TMEM132B: variants seen among roughly 807,000 people sequenced by gnomAD.
The protein encoded by TMEM132B is transmembrane protein 132B.
A neutral mutation model predicts 90.8 loss-of-function variants in TMEM132B; 18 were observed. That is an observed-to-expected ratio of 0.20 (90% CI 0.14 to 0.29). TMEM132B has a LOEUF of 0.29. TMEM132B is among the 10% of genes least tolerant of loss of function. The pLI, the probability that TMEM132B is intolerant of heterozygous loss-of-function variation, is 1.00. For synonymous variants in TMEM132B, 504 were observed against 523.3 expected (o/e 0.96, Z 0.50); for missense variants, 1,096 against 1,326.8 (o/e 0.83, Z 2.70).
intron 5 of TMEM132B, among the ~76,000 whole-genome samples, chr12:125,598,199 C>T (rs1022047034): frequency 5.9e-5 from 9 of 152,036 alleles, no homozygotes; most frequent in Admixed American, 2.0e-4. Flanking sequence ...AGCAATTACA[C>T]GCCATTATTT....
intron 2 of TMEM132B, among the ~76,000 whole-genome samples, chr12:125,402,332 G>A (rs552116501): frequency 7.2e-5 from 11 of 152,296 alleles, no homozygotes; most frequent in African/African-American, 2.4e-4. Flanking sequence ...TGGGATTACA[G>A]GCAACCACCA....
chr12:125,565,705 C>T (rs1161484573), intron 4 of TMEM132B, among the ~76,000 whole-genome samples: 4 of 152,196 alleles, frequency 2.6e-5, no homozygotes, highest in Non-Finnish European at 4.4e-5. Flanking sequence ...GAACTCCTCT[C>T]GGCACACAGA....
intron 1 of TMEM132B, among the ~76,000 whole-genome samples, chr12:125,233,932 T>C (rs1275152875): frequency 6.6e-6 from 1 of 152,198 alleles, no homozygotes; most frequent in Non-Finnish European, 1.5e-5. Context: ...TGTGGTCTGA[T>C]CATGGAATTT....
intron 4 of TMEM132B, among the ~76,000 whole-genome samples, chr12:125,569,640 T>C (rs951007181): frequency 6.6e-6 from 1 of 152,014 alleles, no homozygotes; most frequent in African/African-American, 2.4e-5. Flanking sequence ...CTAGGGCCAA[T>C]GAAAGCATAA....
chr12:125,533,867 TTTA>T (rs1188849911), intron 4 of TMEM132B, among the ~76,000 whole-genome samples: 1 of 152,268 alleles, frequency 6.6e-6, no homozygotes, highest in African/African-American at 2.4e-5. Context: ...CTTAATAGGC[TTTA>T]TTATTTTTAT....
intron 2 of TMEM132B, among the ~76,000 whole-genome samples, chr12:125,413,560 T>C (rs1166734337): frequency 6.6e-6 from 1 of 152,242 alleles, no homozygotes; most frequent in Non-Finnish European, 1.5e-5. Flanking sequence ...TCTATGGATT[T>C]ACCTTCTGAA....
intron 1 of TMEM132B, among the ~76,000 whole-genome samples, chr12:125,304,607 G>T (rs1209282943): frequency 6.6e-6 from 1 of 152,066 alleles, no homozygotes; most frequent in Non-Finnish European, 1.5e-5. Context: ...AGGTATAAAG[G>T]TCCAGCTTCA....
intron 3 of TMEM132B, among the ~76,000 whole-genome samples, chr12:125,424,548 G>A (rs1306982256): frequency 6.6e-6 from 1 of 152,182 alleles, no homozygotes; most frequent in Non-Finnish European, 1.5e-5. Context: ...ACTTTAGCAA[G>A]ATTTTAGGTT....
rs377014934 is a variant in TMEM132B at position 125,498,531 on chromosome 12, T to C, written c.1107-20908T>C. Among the ~76,000 whole-genome samples the C allele has an allele frequency of 5.9e-5, 9 of 152,212 alleles. No homozygotes were observed. Among genetic ancestry groups the C allele is most frequent in the East Asian group, 3.9e-4 (2 of 5,190 alleles). On this transcript the variant is annotated intron_variant, in intron 3 of 8. Coordinates refer to ENST00000682704, the MANE Select transcript of TMEM132B (RefSeq NM_001366854.1). The surrounding 1 kb of genome is among the most constrained non-coding windows in gnomAD (Gnocchi z 4.5). ...CAGAGAAATGTCTGTGATTACATAA[T>C]AGGACATTGCAGTCCATGTGCCACG...
At position 125,252,882 on chromosome 12, in the gene TMEM132B, A is replaced by C. The variant is rs183481142; in HGVS notation, c.67+66016A>C. Among the ~76,000 whole-genome samples, 3 of 152,332 alleles carry C rather than the reference A, an allele frequency of 2.0e-5. No homozygotes were observed. The East Asian group carries it at 5.8e-4, about 29-fold the overall frequency. Reference sequence around the variant, plus strand: ...AAATTGGTCAACATTTTCTTGAAACAGGGTACCTGACCTCATCCCAGACCT... The same window carrying C: ...AAATTGGTCAACATTTTCTTGAAACCGGGTACCTGACCTCATCCCAGACCT... On this transcript the variant is annotated intron_variant, in intron 1 of 8. Transcript: ENST00000682704.
Position 125,655,267 on chromosome 12 carries a change from C to T in TMEM132B, c.*557C>T, listed in dbSNP as rs112477630. On this transcript the variant is annotated 3_prime_UTR_variant, in exon 9 of 9. Transcript: ENST00000682704. Reference sequence around the variant, plus strand: ...TGAAGAGAAGAAATTTCAGTCTTTTCCTTGAGCTCTGTTTGATTTACACAT... The same window carrying T: ...TGAAGAGAAGAAATTTCAGTCTTTTTCTTGAGCTCTGTTTGATTTACACAT... 429 of 152,516 alleles carry T rather than the reference C, an allele frequency of 2.8e-3. 1 individual carries two copies. The highest frequency in any genetic ancestry group is 6.0e-3 in the South Asian group (29 of 4,826). The allele number at this position is 152,516 out of a possible 1,614,324, so 9.4% of individuals were successfully genotyped here.
At chr12:125,372,860 T>A (rs1878339087) in intron 2 of TMEM132B, among the ~76,000 whole-genome samples, 1 of 152,140 alleles carries the variant, frequency 6.6e-6, no homozygotes, top group Non-Finnish European at 1.5e-5. Context: ...TTTTCTAGGC[T>A]CCTGGAACCC....
intron 3 of TMEM132B, among the ~76,000 whole-genome samples, chr12:125,423,433 T>C (rs1880225350): frequency 6.6e-6 from 1 of 152,192 alleles, no homozygotes; most frequent in Admixed American, 6.5e-5. Flanking sequence ...TTGTTTGTTT[T>C]TATTCATGCT....
intron 1 of TMEM132B, among the ~76,000 whole-genome samples, chr12:125,260,706 T>G (rs1272608411): frequency 6.6e-6 from 1 of 152,172 alleles, no homozygotes; most frequent in Non-Finnish European, 1.5e-5. Context: ...TCCTAAGGTA[T>G]AAGTATTACT....
chr12:125,257,757 A>G (rs981386260), intron 1 of TMEM132B, among the ~76,000 whole-genome samples: 10 of 152,206 alleles, frequency 6.6e-5, no homozygotes, highest in African/African-American at 2.4e-4. Flanking sequence ...TTTGACACAG[A>G]CAGAAGAGAA....
intron 8 of TMEM132B, among the ~76,000 whole-genome samples, chr12:125,653,233 G>A (rs1029688208): frequency 6.6e-6 from 1 of 152,182 alleles, no homozygotes; most frequent in African/African-American, 2.4e-5. Flanking sequence ...AGCCTGATTT[G>A]TTGCACCTGA....
At chr12:125,500,163 T>C (rs1199472004) in intron 3 of TMEM132B, among the ~76,000 whole-genome samples, 1 of 152,224 alleles carries the variant, frequency 6.6e-6, no homozygotes. Flanking sequence ...AGAGCCCCGT[T>C]GCATTGCAGG....
chr12:125,399,945 C>T (rs1879269390), intron 2 of TMEM132B, among the ~76,000 whole-genome samples: 1 of 152,210 alleles, frequency 6.6e-6, no homozygotes, highest in Non-Finnish European at 1.5e-5. Flanking sequence ...ATGGAGCTTC[C>T]TGCATACATG....
chr12:125,208,338 C>G (rs1873231311), intron 1 of TMEM132B, among the ~76,000 whole-genome samples: 1 of 152,230 alleles, frequency 6.6e-6, no homozygotes, highest in Non-Finnish European at 1.5e-5. Context: ...AGTGTACATT[C>G]AAGGGCATTT....
Sources: allele counts gnomAD v4.1 joint callset (sites outside exome capture counted in the v4.1 genomes callset), GRCh38; gene constraint gnomAD v4.1.1; non-coding constraint Gnocchi (gnomAD v3.1); transcripts MANE v1.5; gene names NCBI Gene and HGNC (gene_info 2026-07-23, HGNC 2026-07-21).